The following CLDND1 variants were observed in gnomAD, a reference collection of about 807,000 sequenced individuals.
CLDND1 encodes the protein claudin domain containing 1, also known as claudin domain-containing protein 1.
A neutral mutation model predicts 26.3 loss-of-function variants in CLDND1; 13 were observed. The observed-to-expected ratio is 0.49, with a 90% CI of 0.32 to 0.78. The LOEUF (loss-of-function observed/expected upper bound fraction) is 0.78, where lower values mean the gene tolerates loss of function less well. Among genes scored for constraint, CLDND1 ranks in the 30% least tolerant of loss-of-function variants. The probability of loss-of-function intolerance (pLI) is 0.03; values close to 1 mark genes in which losing one functional copy is unlikely to be tolerated. For missense variants in CLDND1, 289 were observed against 312.8 expected, an observed-to-expected ratio of 0.92 and a Z score of 0.57; for synonymous variants, 107 against 107.0, an observed-to-expected ratio of 1.00 and a Z score of 0.00.
At chr3:98,516,911 C>T (rs1195749268) in intron 4 of CLDND1, 32 bp from the exon 5 acceptor site, 1 of 1,612,854 alleles carries the variant, frequency 6.2e-7, no homozygotes, top group Non-Finnish European at 8.5e-7. Flanking sequence ...CAAAACAAAA[C>T]ATGGCTGGAT....
Position 98,516,518 on chromosome 3 carries a change from G to A in CLDND1, c.*141C>T. The A allele has an allele frequency of 7.1e-7, 1 of 1,416,980 alleles. No individual in the cohort carries two copies. Among genetic ancestry groups the A allele is most frequent in the Non-Finnish European group, 9.2e-7 (1 of 1,083,442 alleles). The allele number at this position is 1,416,980 out of a possible 1,614,324, so 87.8% of individuals were successfully genotyped here. A position where few individuals can be genotyped will look rare whatever the true frequency, so the allele number is the denominator to read the frequency against. On this transcript the variant is annotated 3_prime_UTR_variant, in exon 5 of 5. Transcript: ENST00000341181. ...TGGTATTAAGTGTGTATTTAGTGGT[G>A]AATGTGTATAAATAAAATAGATTTT... is the stretch of plus-strand genomic sequence containing the variant.
In CLDND1 at chr3:98,515,990, A is replaced by C. The variant is rs895178679; in HGVS notation, c.*669T>G. 19 of 1,183,062 alleles carry C rather than the reference A, an allele frequency of 1.6e-5. No individual in the cohort carries two copies. The highest frequency in any genetic ancestry group is 6.4e-5 in the African/African-American group (4 of 62,468). The allele number at this position is 1,183,062 out of a possible 1,614,324, so 73.3% of individuals were successfully genotyped here. A position where few individuals can be genotyped will look rare whatever the true frequency, so the allele number is the denominator to read the frequency against. ...AAAATCTTACGGAGAGTTAAAAATAATACTAATCCTCGCCCGGCTGAACTG... is the reference window on the plus strand; with the variant it reads ...AAAATCTTACGGAGAGTTAAAAATACTACTAATCCTCGCCCGGCTGAACTG... On this transcript the variant is annotated 3_prime_UTR_variant, in exon 5 of 5. Transcript: ENST00000341181.
In CLDND1 at chr3:98,522,890, A is replaced by C. The variant is rs773526858; in HGVS notation, c.-60T>G. ...CCGCCAGCTTCACCCTCTAGCTCAG[A>C]CCACAGCACCCTACTCTCCCCGCGC... On this transcript the variant is annotated 5_prime_UTR_variant, in exon 1 of 5. Coordinates refer to ENST00000341181, the MANE Select transcript of CLDND1 (RefSeq NM_001040181.2). The C allele has an allele frequency of 3.1e-6, 5 of 1,612,848 alleles. No homozygotes were observed. Among genetic ancestry groups the C allele is most frequent in the South Asian group, 1.1e-5 (1 of 91,010 alleles).
Position 98,516,515 on chromosome 3 carries a change from G to A in CLDND1, c.*144C>T. 7.1e-7 allele frequency: 1 copy of A among 1,416,600 alleles called. No individual in the cohort carries two copies. The highest frequency in any genetic ancestry group is 1.4e-5 in the African/African-American group (1 of 69,264). 87.8% of individuals were successfully genotyped at this position (1,416,600 alleles called of 1,614,324 possible). The stretch of plus-strand genomic sequence containing the variant: ...TAGTGGTATTAAGTGTGTATTTAGT[G>A]GTGAATGTGTATAAATAAAATAGAT... On this transcript the variant is annotated 3_prime_UTR_variant, in exon 5 of 5. Transcript: ENST00000341181.
At chr3:98,519,160 A>C (rs757933668) in intron 2 of CLDND1, 165 bp from the exon 3 acceptor site, 24 of 563,798 alleles carry the variant, frequency 4.3e-5, no homozygotes, top group Non-Finnish European at 6.9e-5. Flanking sequence ...AATGGATGCC[A>C]CTGGTTCTCA....
Position 98,522,833 on chromosome 3 carries a change from G to C in CLDND1, c.-19+16C>G. 6.2e-7 allele frequency: 1 copy of C among 1,613,772 alleles called. No individual in the cohort carries two copies. Among genetic ancestry groups the C allele is most frequent in the East Asian group, 2.2e-5 (1 of 44,850 alleles). On this transcript the variant is annotated intron_variant, in intron 1 of 4. Coordinates refer to ENST00000341181, the MANE Select transcript of CLDND1 (RefSeq NM_001040181.2). ...GACGCGACCCCTGCCCGGCGACGCA[G>C]GTCCCGCTCACTCACCGCCCATCCT... is the stretch of plus-strand genomic sequence containing the variant.
chr3:98,522,651 C>T, intron 1 of CLDND1, 198 bp downstream of exon 1: 1 of 1,415,100 alleles, frequency 7.1e-7, no homozygotes, highest in South Asian at 1.5e-5. Context: ...TGGGGCGGGG[C>T]AGCCGTGCTC....
chr3:98,522,458 G>A (rs1332458340), intron 1 of CLDND1: 1 of 891,306 alleles, frequency 1.1e-6, no homozygotes, highest in Non-Finnish European at 1.4e-6. Flanking sequence ...AAAGATAAGA[G>A]CAATGACAAC....
chr3:98,516,239 A>G lies in CLDND1; in HGVS notation c.*420T>C, dbSNP rs1171170041. 9.7e-7 allele frequency: 1 copy of G among 1,031,768 alleles called. No homozygotes were observed. Among genetic ancestry groups the G allele is most frequent in the Non-Finnish European group, 1.2e-6 (1 of 858,208 alleles). 63.9% of individuals were successfully genotyped at this position (1,031,768 alleles called of 1,614,324 possible). On this transcript the variant is annotated 3_prime_UTR_variant, in exon 5 of 5. Coordinates refer to ENST00000341181, the MANE Select transcript of CLDND1 (RefSeq NM_001040181.2). ...GGTTGACTGGCTATCTACAACAGCA[A>G]AGTGAACATAAAGTTTTGACGATGA...
chr3:98,515,951 A>C lies in CLDND1; in HGVS notation c.*708T>G. Reference sequence around the variant, plus strand: ...GAGGAAAGAAAAAAAATCCAAAACAATTTGGTGGTACTGAAAATCTTACGG... The same window carrying C: ...GAGGAAAGAAAAAAAATCCAAAACACTTTGGTGGTACTGAAAATCTTACGG... On this transcript the variant is annotated 3_prime_UTR_variant, in exon 5 of 5. Coordinates refer to ENST00000341181, the MANE Select transcript of CLDND1 (RefSeq NM_001040181.2). The C allele has an allele frequency of 8.2e-7, 1 of 1,221,010 alleles. No individual in the cohort carries two copies. Among genetic ancestry groups the C allele is most frequent in the Non-Finnish European group, 1.0e-6 (1 of 954,738 alleles). The allele number at this position is 1,221,010 out of a possible 1,614,324, so 75.6% of individuals were successfully genotyped here. A position where few individuals can be genotyped will look rare whatever the true frequency, so the allele number is the denominator to read the frequency against.
intron 3 of CLDND1, among the ~76,000 whole-genome samples, chr3:98,518,314 G>C (rs749351595): frequency 1.3e-5 from 2 of 151,934 alleles, no homozygotes; most frequent in South Asian, 4.1e-4. Flanking sequence ...CATTCTTCTG[G>C]GCAAGTCCCT....
At chr3:98,522,515 C>T in intron 1 of CLDND1, 1 of 1,223,918 alleles carries the variant, frequency 8.2e-7, no homozygotes. Flanking sequence ...TAAAAATCCC[C>T]CCTTCATCCT....
intron 1 of CLDND1, chr3:98,521,654 C>G (rs1322937787): frequency 1.9e-6 from 3 of 1,611,074 alleles, no homozygotes; most frequent in Non-Finnish European, 2.5e-6. Flanking sequence ...CTCACATACC[C>G]AGGATGCTAC....
At chr3:98,521,584 A>C (rs1420642846) in intron 1 of CLDND1, 142 bp from the exon 2 acceptor site, 32 of 1,519,384 alleles carry the variant, frequency 2.1e-5, no homozygotes, top group Non-Finnish European at 2.9e-5. Flanking sequence ...TTTAGAAAGC[A>C]AGCATGTTTT....
chr3:98,515,804 T>C lies in CLDND1; in HGVS notation c.*855A>G. 10 of 1,289,738 alleles carry C rather than the reference T, an allele frequency of 7.8e-6. No homozygotes were observed. Among genetic ancestry groups the C allele is most frequent in the Non-Finnish European group, 1.0e-5 (10 of 988,840 alleles). 79.9% of individuals were successfully genotyped at this position (1,289,738 alleles called of 1,614,324 possible). A position where few individuals can be genotyped will look rare whatever the true frequency, so the allele number is the denominator to read the frequency against. On this transcript the variant is annotated 3_prime_UTR_variant, in exon 5 of 5. Transcript: ENST00000341181. ...AGGTTTCCCAGCTCTGGAGGGTCATTATGGTGAAACGTTCTTTATAGTACT... is the reference window on the plus strand; with the variant it reads ...AGGTTTCCCAGCTCTGGAGGGTCATCATGGTGAAACGTTCTTTATAGTACT...
At position 98,515,773 on chromosome 3, in the gene CLDND1, T is replaced by C. The variant is rs1209402870; in HGVS notation, c.*886A>G. ...AATGGACAGCCAGAACTTTAGATCT[T>C]GTGGTAGGTTTCCCAGCTCTGGAGG... On this transcript the variant is annotated 3_prime_UTR_variant, in exon 5 of 5. Transcript: ENST00000341181. 2 of 1,289,792 alleles carry C rather than the reference T, an allele frequency of 1.6e-6. No individual in the cohort carries two copies. Among genetic ancestry groups the C allele is most frequent in the Admixed American group, 4.6e-5 (2 of 43,564 alleles). The allele number at this position is 1,289,792 out of a possible 1,614,324, so 79.9% of individuals were successfully genotyped here.
At chr3:98,519,912 A>T (rs1318712608) in intron 2 of CLDND1, among the ~76,000 whole-genome samples, 2 of 152,246 alleles carry the variant, frequency 1.3e-5, no homozygotes, top group African/African-American at 4.8e-5. Context: ...CTTCTCAATG[A>T]GACCTACTTT....
chr3:98,522,734 C>T lies in CLDND1; in HGVS notation c.-19+115G>A. Reference sequence around the variant, plus strand: ...GGGCTCGGCCCTGGGACAAATCCGCCGCTCGGAACCCGCCCAGCCCGACCA... The same window carrying T: ...GGGCTCGGCCCTGGGACAAATCCGCTGCTCGGAACCCGCCCAGCCCGACCA... On this transcript the variant is annotated intron_variant, in intron 1 of 4. Coordinates refer to ENST00000341181, the MANE Select transcript of CLDND1 (RefSeq NM_001040181.2). 2.5e-6 allele frequency: 4 copies of T among 1,584,114 alleles called. No individual in the cohort carries two copies. The South Asian group carries it at 4.6e-5, about 18-fold the overall frequency.
In CLDND1 at chr3:98,521,205, T is replaced by A; in HGVS notation, c.220A>T (p.Thr74Ser). The A allele has an allele frequency of 6.2e-7, 1 of 1,614,248 alleles. No individual in the cohort carries two copies. The highest frequency in any genetic ancestry group is 8.5e-7 in the Non-Finnish European group (1 of 1,180,034). The change falls in exon 2 of 5, where the codon ACA becomes TCA. Residue 74 changes from threonine (T) to serine (S), a missense_variant. Physicochemically the swap from Thr to Ser is moderately conservative, Grantham distance 58. Coordinates refer to ENST00000341181, the MANE Select transcript of CLDND1 (RefSeq NM_001040181.2). ...YNDALFRYNG[T>S]VGLWRRCITI... Reference sequence around the variant, plus strand: ...ATACACCGTCTCCACAATCCCACTGTGCCATTGTATCGAAAAAGTGCATCA... The same window carrying A: ...ATACACCGTCTCCACAATCCCACTGAGCCATTGTATCGAAAAAGTGCATCA...
Sources: gnomAD v4.1 joint callset for allele counts (sites outside exome capture counted in the v4.1 genomes callset) on GRCh38, gnomAD v4.1.1 for gene constraint, MANE v1.5 for transcripts, NCBI Gene and HGNC (gene_info 2026-07-23, HGNC 2026-07-21) for gene names.